Variants in U2SURP observed in about 807,000 individuals in gnomAD.
U2SURP encodes the protein U2 snRNP-associated SURP motif-containing protein.
U2SURP carries 9 observed loss-of-function variants against 144.9 expected under a neutral mutation model. The observed-to-expected ratio is 0.06, with a 90% CI of 0.04 to 0.11. The LOEUF is 0.11. Among genes scored for constraint, U2SURP ranks in the 10% least tolerant of loss-of-function variants. The pLI, the probability that U2SURP is intolerant of heterozygous loss-of-function variation, is 1.00. For synonymous variants in U2SURP, 408 were observed against 396.8 expected, an observed-to-expected ratio of 1.03 and a Z score of -0.33; for missense variants, 724 against 1,226.7, an observed-to-expected ratio of 0.59 and a Z score of 6.12.
At chr3:143,016,997 G>T in intron 6 of U2SURP, 22 bp downstream of exon 6, 1 of 1,554,044 alleles carries the variant, frequency 6.4e-7, no homozygotes. Context: ...TTAAGTAATT[G>T]ACCATTTATG....
chr3:143,018,578 C>T (rs1313901116), intron 6 of U2SURP, among the ~76,000 whole-genome samples: 8 of 151,966 alleles, frequency 5.3e-5, no homozygotes. Flanking sequence ...TATACACACA[C>T]CGAGAAGTGG....
At chr3:143,011,650 T>C (rs1270843891) in intron 2 of U2SURP, among the ~76,000 whole-genome samples, 3 of 152,044 alleles carry the variant, frequency 2.0e-5, no homozygotes, top group Non-Finnish European at 4.4e-5. Context: ...TAATTTCACT[T>C]AAAAAACTAG....
chr3:143,040,954 C>T (rs1310861798), intron 23 of U2SURP, among the ~76,000 whole-genome samples: 1 of 151,668 alleles, frequency 6.6e-6, no homozygotes, highest in Non-Finnish European at 1.5e-5. Context: ...CATTCAATGT[C>T]ATTGGTATTA....
intron 8 of U2SURP, 62 bp downstream of exon 8, chr3:143,020,755 C>T (rs1339945801): frequency 1.8e-5 from 24 of 1,298,020 alleles, no homozygotes; most frequent in African/African-American, 8.8e-5. Flanking sequence ...CCACCTTATC[C>T]GTGGCGGGTT....
chr3:143,020,580 T>C lies in U2SURP; in HGVS notation c.639-19T>C, dbSNP rs751872932. ...ACAAATTTTGGCTCATTATAAGTGATTGTAAATATTTTCAACAGAATTCAA... is the reference window on the plus strand; with the variant it reads ...ACAAATTTTGGCTCATTATAAGTGACTGTAAATATTTTCAACAGAATTCAA... On this transcript the variant is annotated intron_variant, in intron 7 of 27. Transcript: ENST00000473835. 4.4e-6 allele frequency: 7 copies of C among 1,588,174 alleles called. No homozygotes were observed. Among genetic ancestry groups the C allele is most frequent in the Admixed American group, 1.7e-5 (1 of 57,698 alleles).
chr3:143,037,435 CATG>C, intron 21 of U2SURP, 100 bp downstream of exon 21: 3 of 1,098,836 alleles, frequency 2.7e-6, no homozygotes, highest in Non-Finnish European at 3.9e-6. Flanking sequence ...TATAGTTTCT[CATG>C]AACGTATCAA....
At chr3:143,010,420 AAG>A (rs1196196643) in intron 1 of U2SURP, among the ~76,000 whole-genome samples, 2 of 152,198 alleles carry the variant, frequency 1.3e-5, no homozygotes, top group Non-Finnish European at 2.9e-5. Flanking sequence ...TGATTAGAGA[AAG>A]AGAGTTCTCG....
At chr3:143,001,798 G>A in intron 1 of U2SURP, 125 bp downstream of exon 1, 3 of 1,254,902 alleles carry the variant, frequency 2.4e-6, no homozygotes, top group Non-Finnish European at 3.4e-6. Context: ...CGGTAGGCCC[G>A]GGCGCCGCCG....
intron 4 of U2SURP, among the ~76,000 whole-genome samples, chr3:143,015,711 T>C (rs774763824): frequency 3.1e-4 from 47 of 152,126 alleles, no homozygotes; most frequent in Admixed American, 1.4e-3. Flanking sequence ...TTTTCTGTTA[T>C]GTTCCATTGG....
chr3:143,008,272 G>T (rs1397199614), intron 1 of U2SURP, among the ~76,000 whole-genome samples: 1 of 152,236 alleles, frequency 6.6e-6, no homozygotes, highest in Non-Finnish European at 1.5e-5. Flanking sequence ...TGGAGTCAGG[G>T]AAGAGTTAAC....
At position 143,012,245 on chromosome 3, in the gene U2SURP, T is replaced by C. The variant is rs202048164; in HGVS notation, c.114T>C (p.Asp38=). ...DAHMDASGPS[D]SDMPSRTRPK... is the part of the protein sequence containing the mutation. ...AGATGGATGCATCTGGACCCTCAGA[T>C]AGTGATATGCCAAGTCGGACACGAC... The change falls in exon 3 of 28, where the codon GAT becomes GAC. Residue 38 remains aspartate (D), a synonymous_variant. Coordinates refer to ENST00000473835, the MANE Select transcript of U2SURP (RefSeq NM_001080415.2). 2 of 1,613,092 alleles carry C rather than the reference T, an allele frequency of 1.2e-6. No individual in the cohort carries two copies. The highest frequency in any genetic ancestry group is 2.7e-5 in the African/African-American group (2 of 74,994).
intron 13 of U2SURP, chr3:143,024,517 A>G (rs750224852): frequency 2.7e-5 from 12 of 436,928 alleles, no homozygotes; most frequent in Non-Finnish European, 4.5e-6. Context: ...AACACTGGAC[A>G]TACTAGAAAC....
At chr3:143,008,137 A>C (rs1350740624) in intron 1 of U2SURP, among the ~76,000 whole-genome samples, 1 of 152,204 alleles carries the variant, frequency 6.6e-6, no homozygotes, top group African/African-American at 2.4e-5. Flanking sequence ...AAATTGTGTA[A>C]TTTTGAAAGC....
chr3:143,056,526 A>C lies in U2SURP; in HGVS notation c.*76A>C, dbSNP rs1935160962. ...CCTGAACGGTCTGTTTTTTAAAAAA[A>C]CAAAAAATCAAATGAAAGAGCATTC... On this transcript the variant is annotated 3_prime_UTR_variant, in exon 28 of 28. Transcript: ENST00000473835. 1.9e-6 allele frequency: 3 copies of C among 1,541,444 alleles called. No individual in the cohort carries two copies. The South Asian group carries it at 3.7e-5, about 19-fold the overall frequency.
chr3:143,019,930 T>C, intron 6 of U2SURP, 39 bp from the exon 7 acceptor site: 1 of 1,212,714 alleles, frequency 8.2e-7, no homozygotes, highest in Non-Finnish European at 1.1e-6. Flanking sequence ...GTTTTGCTTA[T>C]CCTTTTGTTT....
chr3:143,031,061 G>A (rs77253196), intron 16 of U2SURP, among the ~76,000 whole-genome samples: 4,465 of 152,228 alleles, frequency 0.029, 205 homozygotes, highest in African/African-American at 0.1. Context: ...AGAATTAGAA[G>A]TAGAGCTCAA....
chr3:143,016,228 G>A (rs1936366000), intron 4 of U2SURP, 29 bp from the exon 5 acceptor site: 8 of 1,590,290 alleles, frequency 5.0e-6, no homozygotes, highest in African/African-American at 1.3e-5. Context: ...TTTGTATTGT[G>A]TAATATTAAT....
chr3:143,056,294 TTTTG>T lies in U2SURP; in HGVS notation c.2952-10_2952-7del. The T allele has an allele frequency of 1.9e-6, 3 of 1,585,476 alleles. No individual in the cohort carries two copies. The highest frequency in any genetic ancestry group is 2.3e-5 in the East Asian group (1 of 44,244). On this transcript the variant is annotated splice_polypyrimidine_tract_variant and intron_variant, in intron 27 of 27. Coordinates refer to ENST00000473835, the MANE Select transcript of U2SURP (RefSeq NM_001080415.2). ...ATGAGTACTTTATCAATTGGGATTT[TTTTG>T]TTTGTTTCCTTAGATCACCATCTGG... is the stretch of plus-strand genomic sequence containing the variant.
rs56916268 is a variant in U2SURP at position 143,044,289 on chromosome 3, C to CTTTTT, written c.2544+1026_2544+1030dup. On this transcript the variant is annotated intron_variant, in intron 24 of 27. Transcript: ENST00000473835. ...TTTCCCTTTTCCCCTCTCCCCTCTCCTTTTTTTTTTTTTTTTTGAGACGGG... is the reference window on the plus strand; with the variant it reads ...TTTCCCTTTTCCCCTCTCCCCTCTCCTTTTTTTTTTTTTTTTTTTTTTGAGACGGG... Among the ~76,000 whole-genome samples the CTTTTT allele has an allele frequency of 2.2e-3, 179 of 81,370 alleles. 7 individuals are homozygous for CTTTTT. The highest frequency in any genetic ancestry group is 9.3e-3 in the East Asian group (24 of 2,584). The allele number at this position is 81,370 out of a possible 152,430, so 53.4% of individuals were successfully genotyped here.
Sources: gnomAD v4.1 joint callset for allele counts (sites outside exome capture counted in the v4.1 genomes callset) on GRCh38, gnomAD v4.1.1 for gene constraint, MANE v1.5 for transcripts, NCBI Gene and HGNC (gene_info 2026-07-23, HGNC 2026-07-21) for gene names.